The following PLCB2 variants were observed in gnomAD, a reference collection of about 807,000 sequenced individuals.
The protein encoded by PLCB2 is 1-phosphatidylinositol 4,5-bisphosphate phosphodiesterase beta-2.
PLCB2 carries 115 observed loss-of-function variants against 141.7 expected under a neutral mutation model. That is an observed-to-expected ratio of 0.81 (90% CI 0.70 to 0.95). PLCB2 has a LOEUF of 0.95. Ranked by LOEUF, PLCB2 falls within the 40% of genes least tolerant of loss-of-function variation. The probability of loss-of-function intolerance (pLI) is 0.00; values close to 1 mark genes in which losing one functional copy is unlikely to be tolerated. For synonymous variants in PLCB2, 603 were observed against 595.6 expected, an observed-to-expected ratio of 1.01 and a Z score of -0.18; for missense variants, 1,403 against 1,541.1, an observed-to-expected ratio of 0.91 and a Z score of 1.50.
In PLCB2 at chr15:40,289,558, G is replaced by A. The variant is rs2141027026; in HGVS notation, c.3268-200C>T. 6.8e-6 allele frequency: 4 copies of A among 591,896 alleles called. No individual in the cohort carries two copies. The South Asian group carries it at 8.0e-5, about 12-fold the overall frequency. 36.7% of individuals were successfully genotyped at this position (591,896 alleles called of 1,614,324 possible). On this transcript the variant is annotated intron_variant, in intron 30 of 31. Transcript: ENST00000260402. ...AGATTATACAAGACAGCTCATGTGA[G>A]GCACCTGGCAGAGTGCCTGGCACAG... is the stretch of plus-strand genomic sequence containing the variant.
At chr15:40,307,198 T>C (rs1236743929) in intron 1 of PLCB2, among the ~76,000 whole-genome samples, 1 of 152,134 alleles carries the variant, frequency 6.6e-6, no homozygotes, top group Non-Finnish European at 1.5e-5. Flanking sequence ...CTGAGCGCCC[T>C]GCCGGAGCAA....
chr15:40,285,647 C>T, downstream of PLCB2: 1 of 985,396 alleles, frequency 1.0e-6, no homozygotes, highest in Non-Finnish European at 1.2e-6. Context: ...CTTTACTCAG[C>T]AGAAGAAAGG....
rs1314682977 is a variant in PLCB2, at chr15:40,291,313, C to T, written c.2822G>A (p.Gly941Asp). The change falls in exon 26 of 32, where the codon GGC becomes GAC. Residue 941 changes from glycine (G) to aspartate (D), a missense_variant. Gly to Asp is a moderately conservative substitution (Grantham distance 94). Coordinates refer to ENST00000260402, the MANE Select transcript of PLCB2 (RefSeq NM_004573.3). The stretch of plus-strand genomic sequence containing the variant: ...GGGACCGAGCTTGCAGGCCCCGACG[C>T]CCCCCACGCCCGGTGGCCCGAGCTC... ...LAELGPPGVG[G>D]VGACKLGPGK... is the part of the protein sequence containing the mutation. 7 of 1,543,468 alleles carry T rather than the reference C, an allele frequency of 4.5e-6. No homozygotes were observed. The highest frequency in any genetic ancestry group is 6.1e-6 in the Non-Finnish European group (7 of 1,153,202).
chr15:40,298,075 T>C, intron 11 of PLCB2, 116 bp from the exon 12 acceptor site: 1 of 1,155,652 alleles, frequency 8.7e-7, no homozygotes, highest in Non-Finnish European at 1.2e-6. Context: ...ATGGCCGCCA[T>C]TGGCCCCCAA....
chr15:40,303,177 C>G (rs1345441845), intron 3 of PLCB2, 111 bp downstream of exon 3: 2 of 819,550 alleles, frequency 2.4e-6, no homozygotes, highest in Non-Finnish European at 2.1e-6. Context: ...AGCCAAGGAA[C>G]CATTCCCCGT....
downstream of PLCB2, among the ~76,000 whole-genome samples, chr15:40,284,836 C>CAAAAAAAAAAAAAAA (rs56397946): frequency 9.3e-5 from 7 of 74,882 alleles, no homozygotes; most frequent in African/African-American, 3.4e-4. Context: ...GAGACTCCGT[C>CAAAAAAAAAAAAAAA]AAAAAAAAAA....
chr15:40,294,203 G>A, intron 19 of PLCB2, 63 bp downstream of exon 19: 1 of 1,516,154 alleles, frequency 6.6e-7, no homozygotes, highest in Non-Finnish European at 9.1e-7. Flanking sequence ...TGAGGGGTGG[G>A]CTCCTGTGCC....
At chr15:40,293,055 GGAGGGGA>G in intron 20 of PLCB2, 30 bp from the exon 21 acceptor site, 1 of 1,447,108 alleles carries the variant, frequency 6.9e-7, no homozygotes, top group Non-Finnish European at 9.5e-7. Flanking sequence ...TGACAGGCTG[GGAGGGGA>G]GAGAGGAGCC....
At chr15:40,296,665 C>T (rs1198801432) in intron 14 of PLCB2, 31 bp from the exon 15 acceptor site, 1 of 1,612,234 alleles carries the variant, frequency 6.2e-7, no homozygotes, top group Admixed American at 1.7e-5. Context: ...GGCACTGGCT[C>T]CTGCATGGCT....
intron 18 of PLCB2, 48 bp from the exon 19 acceptor site, chr15:40,294,468 T>C (rs965111370): frequency 6.3e-7 from 1 of 1,592,234 alleles, no homozygotes; most frequent in Non-Finnish European, 8.6e-7. Context: ...CCTGGGGCTG[T>C]GCCCAGTCTC....
At position 40,294,335 on chromosome 15, in the gene PLCB2, C is replaced by G; in HGVS notation, c.1992G>C (p.Pro664=). The G allele has an allele frequency of 6.2e-7, 1 of 1,614,180 alleles. No homozygotes were observed. Among genetic ancestry groups the G allele is most frequent in the Non-Finnish European group, 8.5e-7 (1 of 1,180,030 alleles). Residue 664 remains proline, a synonymous_variant, in exon 19 of 32, where the codon CCG becomes CCC. Transcript: ENST00000260402. ...YLLKHEFMRR[P]DKQFNPFSVD... ...CTGAGAAGGGGTTGAACTGCTTGTC[C>G]GGCCGGCGCATGAACTCATGCTTGA...
rs1383051431 is a variant in PLCB2 at position 40,294,285 on chromosome 15, GCCA to G, written c.2039_2041del (p.Val680del). 2 of 1,606,632 alleles carry G rather than the reference GCCA, an allele frequency of 1.2e-6. No individual in the cohort carries two copies. The highest frequency in any genetic ancestry group is 1.7e-6 in the Non-Finnish European group (2 of 1,175,760). On this transcript the variant is annotated inframe_deletion, in exon 19 of 32. Transcript: ENST00000260402. ...CCTTGCCGTAATGGAAAGGGTGGTG[GCCA>G]CCACCACGTCGATGCGGTCCACTGA...
downstream of PLCB2, chr15:40,287,807 C>A: frequency 2.1e-6 from 1 of 470,786 alleles, no homozygotes; most frequent in Non-Finnish European, 2.8e-6. Flanking sequence ...GGTTCAGCTC[C>A]CAAGAGATTT....
At position 40,298,973 on chromosome 15, in the gene PLCB2, CAG is replaced by C. The variant is rs3217659; in HGVS notation, c.684-11_684-10del. 0.015 allele frequency: 23,501 copies of C among 1,603,484 alleles called. 1,352 individuals are homozygous for C. The African/African-American group carries it at 0.17, about 12-fold the overall frequency. ...GTTTGGCCTTAGCATGGCTTCAAGC[CAG>C]AGAGAAGAGCACAGGTCCATATCCC... On this transcript the variant is annotated splice_polypyrimidine_tract_variant and intron_variant, in intron 8 of 31. Coordinates refer to ENST00000260402, the MANE Select transcript of PLCB2 (RefSeq NM_004573.3).
Position 40,290,827 on chromosome 15 carries a change from T to G in PLCB2, c.3047A>C (p.Lys1016Thr), listed in dbSNP as rs942072832. Residue 1016 changes from lysine to threonine, a missense_variant, in exon 28 of 32, where the codon AAA (lysine) becomes ACA (threonine). Transcript: ENST00000260402. ...KEQHVAEQIS[K>T]MMELAREKQA... Reference sequence around the variant, plus strand: ...TTTCTCTCTGGCCAGCTCCATCATTTTGGAGATTTGCTGCAGGGAGAGGAA... The same window carrying G: ...TTTCTCTCTGGCCAGCTCCATCATTGTGGAGATTTGCTGCAGGGAGAGGAA... 1 of 1,612,980 alleles carries G rather than the reference T, an allele frequency of 6.2e-7. No homozygotes were observed. The highest frequency in any genetic ancestry group is 8.5e-7 in the Non-Finnish European group (1 of 1,179,798).
chr15:40,290,191 G>A, intron 29 of PLCB2, 109 bp from the exon 30 acceptor site: 5 of 771,326 alleles, frequency 6.5e-6, no homozygotes, highest in Non-Finnish European at 1.2e-5. Flanking sequence ...CATAGGGCAG[G>A]AACCAGCTGG....
intron 7 of PLCB2, chr15:40,301,543 C>G (rs1282363443): frequency 1.4e-6 from 1 of 703,002 alleles, no homozygotes; most frequent in Non-Finnish European, 2.6e-6. Flanking sequence ...TCCCTCGACA[C>G]GCTGCAGACT....
chr15:40,297,854 G>T lies in PLCB2; in HGVS notation c.1238+23C>A. ...AGACTGGGGGCTGGGTGAGAATGTGGCTGAATGGGCCTGGATACGCACGAG... is the reference window on the plus strand; with the variant it reads ...AGACTGGGGGCTGGGTGAGAATGTGTCTGAATGGGCCTGGATACGCACGAG... On this transcript the variant is annotated intron_variant, in intron 12 of 31. Coordinates refer to ENST00000260402, the MANE Select transcript of PLCB2 (RefSeq NM_004573.3). The surrounding 1 kb of genome is among the most constrained non-coding windows in gnomAD (Gnocchi z 4.2). The T allele has an allele frequency of 1.3e-6, 2 of 1,586,238 alleles. No individual in the cohort carries two copies. The highest frequency in any genetic ancestry group is 1.7e-6 in the Non-Finnish European group (2 of 1,155,002).
rs1232225192 is a variant in PLCB2, at chr15:40,290,509, T to G, written c.3209+68A>C. 5.4e-6 allele frequency: 6 copies of G among 1,116,032 alleles called. No individual in the cohort carries two copies. In the East Asian group the frequency reaches 9.4e-5, roughly 17 times the overall value. The allele number at this position is 1,116,032 out of a possible 1,614,324, so 69.1% of individuals were successfully genotyped here. On this transcript the variant is annotated intron_variant, in intron 29 of 31. Transcript: ENST00000260402. ...CTTTGGGAAGTGAGTCAGGATCCAT[T>G]TGTAGAGAGGCCCCTTTCCACCTGA...
Sources: allele counts gnomAD v4.1 joint callset (sites outside exome capture counted in the v4.1 genomes callset), GRCh38; gene constraint gnomAD v4.1.1; non-coding constraint Gnocchi (gnomAD v3.1); transcripts MANE v1.5; gene names NCBI Gene and HGNC (gene_info 2026-07-23, HGNC 2026-07-21).